Variants in CACHD1 observed in about 807,000 individuals in gnomAD.
CACHD1 encodes VWFA and cache domain-containing protein 1.
Under a neutral mutation model 138.7 loss-of-function variants are expected in CACHD1, and 71 were observed. The observed-to-expected ratio is 0.51, with a 90% CI of 0.42 to 0.62. CACHD1 has a LOEUF of 0.62. Among genes scored for constraint, CACHD1 ranks in the 20% least tolerant of loss-of-function variants. The pLI is 0.00. For synonymous variants in CACHD1, 578 were observed against 591.5 expected (o/e 0.98, Z 0.33); for missense variants, 1,389 against 1,625.3 (o/e 0.85, Z 2.50).
chr1:64,670,760 C>A (rs991293731), intron 16 of CACHD1, among the ~76,000 whole-genome samples: 2 of 152,058 alleles, frequency 1.3e-5, no homozygotes, highest in Non-Finnish European at 2.9e-5. Context: ...TCATTTAATC[C>A]CAATAACAGC....
chr1:64,642,581 C>A (rs1034589254), intron 8 of CACHD1, among the ~76,000 whole-genome samples: 1 of 152,208 alleles, frequency 6.6e-6, no homozygotes, highest in African/African-American at 2.4e-5. Flanking sequence ...ATTCAAGCTA[C>A]TACTACATTT....
At chr1:64,532,851 G>T (rs1646598798) in intron 1 of CACHD1, among the ~76,000 whole-genome samples, 1 of 152,146 alleles carries the variant, frequency 6.6e-6, no homozygotes, top group African/African-American at 2.4e-5. Context: ...TTACTTGAAA[G>T]CTTGTAACGA....
chr1:64,629,534 A>G (rs1648229388), intron 5 of CACHD1, 53 bp downstream of exon 5: 3 of 1,574,172 alleles, frequency 1.9e-6, no homozygotes, highest in Non-Finnish European at 2.6e-6. Flanking sequence ...AGTGATCTAC[A>G]TGAAATATAA....
intron 4 of CACHD1, among the ~76,000 whole-genome samples, chr1:64,623,582 A>G (rs1019921714): frequency 6.6e-6 from 1 of 152,160 alleles, no homozygotes; most frequent in Non-Finnish European, 1.5e-5. Context: ...TGAATCAGGT[A>G]TAGATCTTGC....
intron 4 of CACHD1, among the ~76,000 whole-genome samples, chr1:64,605,439 GT>G (rs1413508934): frequency 6.6e-6 from 1 of 152,052 alleles, no homozygotes; most frequent in Non-Finnish European, 1.5e-5. Flanking sequence ...AGCATTTGCT[GT>G]TTTTATAATC....
At chr1:64,636,467 C>T (rs1553141573) in intron 7 of CACHD1, among the ~76,000 whole-genome samples, 2 of 152,168 alleles carry the variant, frequency 1.3e-5, no homozygotes, top group Admixed American at 1.3e-4. Context: ...AGGCTACTGT[C>T]AGAGTGTCAG....
chr1:64,605,001 C>G (rs1042274364), intron 4 of CACHD1, among the ~76,000 whole-genome samples: 1 of 135,600 alleles, frequency 7.4e-6, no homozygotes, highest in African/African-American at 2.8e-5. Flanking sequence ...GAGTCTTGCT[C>G]TGTCACCCAG....
At chr1:64,566,481 C>CCCA (rs753339576) in intron 2 of CACHD1, among the ~76,000 whole-genome samples, 3 of 49,048 alleles carry the variant, frequency 6.1e-5, no homozygotes, top group Admixed American at 1.6e-4. Flanking sequence ...TTTTCAATTC[C>CCCA]CCCCCCCCCA....
chr1:64,569,752 C>T (rs1335313627), intron 2 of CACHD1, among the ~76,000 whole-genome samples: 1 of 60,196 alleles, frequency 1.7e-5, no homozygotes, highest in Admixed American at 2.3e-4. Flanking sequence ...TTCAGTGAAG[C>T]AGACCCTTGA....
intron 4 of CACHD1, among the ~76,000 whole-genome samples, chr1:64,613,262 T>C (rs754020600): frequency 6.6e-6 from 1 of 152,200 alleles, no homozygotes; most frequent in Non-Finnish European, 1.5e-5. Flanking sequence ...CTAGTGAAGA[T>C]GCTGTGAACA....
intron 16 of CACHD1, among the ~76,000 whole-genome samples, chr1:64,670,012 A>G (rs537694159): frequency 3.3e-5 from 5 of 152,338 alleles, no homozygotes; most frequent in African/African-American, 9.6e-5. Context: ...AATGGGAACT[A>G]TGATTCCTTT....
chr1:64,604,387 G>A (rs1034926777), intron 4 of CACHD1, among the ~76,000 whole-genome samples: 1 of 152,158 alleles, frequency 6.6e-6, no homozygotes, highest in African/African-American at 2.4e-5. Context: ...AAAGAGGGTA[G>A]ACAAGGGCAT....
At chr1:64,654,152 T>C (rs1449031553) in intron 11 of CACHD1, among the ~76,000 whole-genome samples, 1 of 152,200 alleles carries the variant, frequency 6.6e-6, no homozygotes, top group Non-Finnish European at 1.5e-5. Context: ...AAATCAGATA[T>C]ATTTCATCTC....
chr1:64,505,032 AAAT>A (rs1192585747), intron 1 of CACHD1, among the ~76,000 whole-genome samples: 1 of 152,170 alleles, frequency 6.6e-6, no homozygotes, highest in Non-Finnish European at 1.5e-5. Flanking sequence ...TTTTTTCTGG[AAAT>A]AATTTTTTTC....
At chr1:64,573,438 C>A (rs1179222351) in intron 2 of CACHD1, among the ~76,000 whole-genome samples, 1 of 152,152 alleles carries the variant, frequency 6.6e-6, no homozygotes, top group Non-Finnish European at 1.5e-5. Flanking sequence ...GTTGTTTATG[C>A]CACTGTATAG....
At chr1:64,553,202 C>A (rs1025821853) in intron 2 of CACHD1, among the ~76,000 whole-genome samples, 16 of 152,166 alleles carry the variant, frequency 1.1e-4, no homozygotes, top group African/African-American at 2.7e-4. Flanking sequence ...CTCATATTTA[C>A]GCATTTATTG....
intron 13 of CACHD1, among the ~76,000 whole-genome samples, chr1:64,661,366 C>T (rs1649434040): frequency 6.6e-6 from 1 of 152,134 alleles, no homozygotes; most frequent in Non-Finnish European, 1.5e-5. Context: ...ACCTCCTAGA[C>T]ACAAAGCTTT....
intron 1 of CACHD1, among the ~76,000 whole-genome samples, chr1:64,538,946 C>A (rs1410127096): frequency 6.6e-6 from 1 of 152,198 alleles, no homozygotes; most frequent in East Asian, 1.9e-4. Context: ...AAGTATTTCT[C>A]AGTCTCATTC....
At chr1:64,640,020 C>T (rs953021610) in intron 7 of CACHD1, among the ~76,000 whole-genome samples, 3 of 152,226 alleles carry the variant, frequency 2.0e-5, no homozygotes, top group Non-Finnish European at 4.4e-5. Flanking sequence ...TGTTCCTTGC[C>T]TCTCCATAGG....
Sources: allele counts gnomAD v4.1 joint callset (sites outside exome capture counted in the v4.1 genomes callset), GRCh38; gene constraint gnomAD v4.1.1; transcripts MANE v1.5; gene names NCBI Gene and HGNC (gene_info 2026-07-23, HGNC 2026-07-21).